LTBP1: variants seen among roughly 807,000 people sequenced by gnomAD.
LTBP1 encodes latent transforming growth factor beta binding protein 1.
In LTBP1, 129 loss-of-function variants were observed where a neutral mutation model predicts 207.6. The ratio of observed to expected loss-of-function variants is 0.62; its 90% CI spans 0.54 to 0.72. The LOEUF is 0.72. Among genes scored for constraint, LTBP1 ranks in the 30% least tolerant of loss-of-function variants. LTBP1 has a pLI of 0.00. For synonymous variants in LTBP1, 963 were observed against 833.7 expected (o/e 1.16, Z -2.67); for missense variants, 2,281 against 2,217.2 (o/e 1.03, Z -0.58).
intron 3 of LTBP1, among the ~76,000 whole-genome samples, chr2:33,109,124 A>C (rs1558647548): frequency 6.6e-6 from 1 of 152,228 alleles, no homozygotes; most frequent in Non-Finnish European, 1.5e-5. Context: ...CTATTCCTTT[A>C]TCTCTCATGA....
chr2:33,081,456 T>G (rs149325525), intron 3 of LTBP1, among the ~76,000 whole-genome samples: 1,651 of 152,178 alleles, frequency 0.011, 19 homozygotes, highest in Non-Finnish European at 0.017. Flanking sequence ...ATCTAGGAAT[T>G]GAAGGATGGG....
chr2:33,173,060 C>A (rs1240859784), intron 5 of LTBP1, among the ~76,000 whole-genome samples: 3 of 151,964 alleles, frequency 2.0e-5, no homozygotes, highest in African/African-American at 7.3e-5. Flanking sequence ...CAGGAAAGAT[C>A]CAAAATTGAC....
At chr2:32,953,355 A>AT (rs1437258119) in intron 2 of LTBP1, among the ~76,000 whole-genome samples, 1 of 152,006 alleles carries the variant, frequency 6.6e-6, no homozygotes, top group Non-Finnish European at 1.5e-5. Context: ...GTGATTATAT[A>AT]TTTTTTTGTA....
At chr2:33,363,358 C>G in intron 28 of LTBP1, 32 bp from the exon 29 acceptor site, 1 of 1,611,430 alleles carries the variant, frequency 6.2e-7, no homozygotes, top group Non-Finnish European at 8.5e-7. Context: ...AACCTAACTC[C>G]TTTTTGTATT....
intron 26 of LTBP1, among the ~76,000 whole-genome samples, chr2:33,352,573 G>C (rs2094796686): frequency 6.6e-6 from 1 of 152,084 alleles, no homozygotes; most frequent in Admixed American, 6.5e-5. Context: ...TCTCCCTGTT[G>C]CGGATGCTAC....
chr2:33,346,883 G>A (rs1461373941), intron 25 of LTBP1, among the ~76,000 whole-genome samples: 1 of 152,100 alleles, frequency 6.6e-6, no homozygotes, highest in Non-Finnish European at 1.5e-5. Flanking sequence ...TTTGGAGGCC[G>A]AGGTGGGCGG....
At chr2:33,084,309 C>T (rs2078621865) in intron 3 of LTBP1, among the ~76,000 whole-genome samples, 1 of 152,036 alleles carries the variant, frequency 6.6e-6, no homozygotes, top group African/African-American at 2.4e-5. Flanking sequence ...TTCAGATTGG[C>T]CCTTTCTTGG....
At chr2:33,138,802 A>G (rs114567306) in intron 5 of LTBP1, among the ~76,000 whole-genome samples, 2,168 of 150,758 alleles carry the variant, frequency 0.014, 49 homozygotes, top group African/African-American at 0.047. Flanking sequence ...ATTAGCACCA[A>G]TTGAATAATT....
intron 23 of LTBP1, among the ~76,000 whole-genome samples, chr2:33,310,625 T>G (rs1255851869): frequency 6.6e-6 from 1 of 152,184 alleles, no homozygotes; most frequent in East Asian, 1.9e-4. Flanking sequence ...TTCCCACTAC[T>G]CTTCCCTACA....
chr2:33,085,050 A>G (rs2078670290), intron 3 of LTBP1, among the ~76,000 whole-genome samples: 1 of 152,228 alleles, frequency 6.6e-6, no homozygotes, highest in Non-Finnish European at 1.5e-5. Flanking sequence ...AAGTGCCCTT[A>G]GAAGACACAG....
chr2:33,016,250 G>A (rs537289684), intron 2 of LTBP1, among the ~76,000 whole-genome samples: 7 of 152,174 alleles, frequency 4.6e-5, no homozygotes, highest in Non-Finnish European at 1.0e-4. Flanking sequence ...CCAGTGAGAA[G>A]TGAGGGTGGA....
At chr2:33,168,931 T>C (rs1262554938) in intron 5 of LTBP1, among the ~76,000 whole-genome samples, 1 of 152,154 alleles carries the variant, frequency 6.6e-6, no homozygotes, top group African/African-American at 2.4e-5. Context: ...CTAAAAGGGA[T>C]CCGTGCCCTT....
In LTBP1 at chr2:33,079,364, T is replaced by C. The variant is rs75085792; in HGVS notation, c.864-31218T>C. ...GGGGATGGAAGAAGCTTTCTGGATG[T>C]TTCCAGCTGTATTGCACTAAAACAA... On this transcript the variant is annotated intron_variant, in intron 3 of 33. Transcript: ENST00000404816. Among the ~76,000 whole-genome samples, 51 of 152,292 alleles carry C rather than the reference T, an allele frequency of 3.3e-4. No individual in the cohort carries two copies. The East Asian group carries it at 8.3e-3, about 25-fold the overall frequency.
intron 3 of LTBP1, among the ~76,000 whole-genome samples, chr2:33,076,509 G>T (rs2078087223): frequency 6.6e-6 from 1 of 151,946 alleles, no homozygotes; most frequent in Non-Finnish European, 1.5e-5. Context: ...GCGAGGGAGG[G>T]GGTATCATGA....
chr2:33,381,069 T>C (rs993866959), intron 31 of LTBP1, among the ~76,000 whole-genome samples: 1 of 152,226 alleles, frequency 6.6e-6, no homozygotes, highest in Non-Finnish European at 1.5e-5. Flanking sequence ...TGAACACTCT[T>C]TTCATTTGCC....
chr2:33,375,704 A>AT (rs985682071), intron 31 of LTBP1, among the ~76,000 whole-genome samples: 16,982 of 113,732 alleles, frequency 0.15, 1,291 homozygotes, highest in African/African-American at 0.22. Flanking sequence ...ATTTTTTTGT[A>AT]TTTTTTTTTT....
At chr2:33,155,923 C>T (rs1422775302) in intron 5 of LTBP1, among the ~76,000 whole-genome samples, 1 of 152,158 alleles carries the variant, frequency 6.6e-6, no homozygotes, top group African/African-American at 2.4e-5. Context: ...TGTGATACTT[C>T]CCTTCAGTGC....
intron 5 of LTBP1, among the ~76,000 whole-genome samples, chr2:33,163,514 G>A (rs1572925831): frequency 1.3e-5 from 2 of 152,122 alleles, no homozygotes; most frequent in Non-Finnish European, 2.9e-5. Context: ...ATGAAAAATG[G>A]CTTAAAGGAT....
chr2:33,300,668 T>C, intron 21 of LTBP1, 95 bp downstream of exon 21: 1 of 1,306,994 alleles, frequency 7.7e-7, no homozygotes, highest in Non-Finnish European at 1.0e-6. Context: ...CTTTTAAAAA[T>C]TACCCAGATA....
Sources: gnomAD v4.1 joint callset for allele counts (sites outside exome capture counted in the v4.1 genomes callset) on GRCh38, gnomAD v4.1.1 for gene constraint, MANE v1.5 for transcripts, NCBI Gene and HGNC (gene_info 2026-07-23, HGNC 2026-07-21) for gene names.